The following FRYL variants were observed in gnomAD, a reference collection of about 807,000 sequenced individuals.
FRYL encodes the protein FRY like transcription coactivator.
A neutral mutation model predicts 351.2 loss-of-function variants in FRYL; 150 were observed. The observed-to-expected ratio is 0.43, with a 90% confidence interval of 0.37 to 0.49. The LOEUF (loss-of-function observed/expected upper bound fraction) is 0.49, where lower values mean the gene tolerates loss of function less well. Ranked by LOEUF, FRYL falls within the 20% of genes least tolerant of loss-of-function variation. FRYL has a pLI of 0.00. For missense variants in FRYL, 3,036 were observed against 3,619.3 expected, an observed-to-expected ratio of 0.84 and a Z score of 4.13; for synonymous variants, 1,153 against 1,257.1, an observed-to-expected ratio of 0.92 and a Z score of 1.75.
intron 30 of FRYL, 54 bp from the exon 31 acceptor site, chr4:48,564,156 AT>A: frequency 1.3e-6 from 2 of 1,592,162 alleles, no homozygotes; most frequent in East Asian, 4.5e-5. Flanking sequence ...TTTTTTGTCT[AT>A]TTCCCTATAG....
At chr4:48,661,341 G>C (rs1760677435) in intron 3 of FRYL, among the ~76,000 whole-genome samples, 1 of 152,176 alleles carries the variant, frequency 6.6e-6, no homozygotes, top group Admixed American at 6.5e-5. Flanking sequence ...AAAGGAGAAT[G>C]ATGACCCCTG....
At chr4:48,651,578 T>C (rs1379309349) in intron 3 of FRYL, among the ~76,000 whole-genome samples, 1 of 152,140 alleles carries the variant, frequency 6.6e-6, no homozygotes, top group East Asian at 1.9e-4. Context: ...ACTTCCTTAC[T>C]ACAACTTTTC....
chr4:48,511,576 C>A (rs1464173146), intron 57 of FRYL, among the ~76,000 whole-genome samples: 1 of 152,122 alleles, frequency 6.6e-6, no homozygotes, highest in Non-Finnish European at 1.5e-5. Flanking sequence ...ATGTGTTGCA[C>A]TGTTAGGTGG....
At chr4:48,677,955 T>G (rs1254695041) in intron 3 of FRYL, among the ~76,000 whole-genome samples, 1 of 152,206 alleles carries the variant, frequency 6.6e-6, no homozygotes, top group Non-Finnish European at 1.5e-5. Flanking sequence ...ACCACTGCAT[T>G]ATCTCTATCC....
chr4:48,753,104 C>G (rs1773416083), intron 1 of FRYL, among the ~76,000 whole-genome samples: 1 of 152,058 alleles, frequency 6.6e-6, no homozygotes, highest in Admixed American at 6.6e-5. Flanking sequence ...TGATGGATTG[C>G]AGGGAAAGAA....
chr4:48,619,003 A>G (rs1750119532), intron 7 of FRYL: 2 of 311,894 alleles, frequency 6.4e-6, no homozygotes, highest in Non-Finnish European at 1.2e-5. Context: ...TTTACAGCTA[A>G]AGGTCAATAT....
In FRYL at chr4:48,512,640, A is replaced by G. The variant is rs753288209; in HGVS notation, c.7986T>C (p.Pro2662=). 1.2e-6 allele frequency: 2 copies of G among 1,614,080 alleles called. No individual in the cohort carries two copies. Among genetic ancestry groups the G allele is most frequent in the Non-Finnish European group, 1.7e-6 (2 of 1,179,960 alleles). Residue 2662 remains proline, a synonymous_variant, in exon 57 of 64, where the codon CCT becomes CCC. Coordinates refer to ENST00000358350, the MANE Select transcript of FRYL (RefSeq NM_015030.2). ...QDGFPEVQTS[P]LPSPFLSAII... ...TGGCAGAAAGAAATGGTGACGGCAG[A>G]GGCGACGTCTGTACTTCTGGAAAAC... is the stretch of plus-strand genomic sequence containing the variant.
At chr4:48,568,965 C>T (rs917422096) in intron 27 of FRYL, among the ~76,000 whole-genome samples, 6 of 152,062 alleles carry the variant, frequency 3.9e-5, no homozygotes, top group African/African-American at 7.2e-5. Flanking sequence ...CATTTTTTTC[C>T]GTAGCCATGA....
intron 1 of FRYL, among the ~76,000 whole-genome samples, chr4:48,737,971 A>G (rs1218938775): frequency 2.6e-5 from 4 of 152,192 alleles, no homozygotes; most frequent in African/African-American, 4.8e-5. Flanking sequence ...TTGACAAGCA[A>G]TATCTACAAA....
rs756180972 is a variant in FRYL, at chr4:48,505,664, T to C, written c.8395-49A>G. The C allele has an allele frequency of 4.4e-6, 5 of 1,140,690 alleles. No individual in the cohort carries two copies. The African/African-American group carries it at 6.2e-5, about 14-fold the overall frequency. The allele number at this position is 1,140,690 out of a possible 1,614,324, so 70.7% of individuals were successfully genotyped here. On this transcript the variant is annotated intron_variant, in intron 59 of 63. Coordinates refer to ENST00000358350, the MANE Select transcript of FRYL (RefSeq NM_015030.2). ...TTAATATGCACAGTAAAATGGGTAG[T>C]GTAACAGCCTGTCCATATACAACAC...
At chr4:48,745,477 T>C (rs1772565972) in intron 1 of FRYL, among the ~76,000 whole-genome samples, 2 of 152,046 alleles carry the variant, frequency 1.3e-5, no homozygotes, top group Non-Finnish European at 2.9e-5. Context: ...CTGGAAACCA[T>C]CATTCTCAGC....
At chr4:48,727,969 T>C (rs1223113547) in intron 1 of FRYL, among the ~76,000 whole-genome samples, 2 of 152,136 alleles carry the variant, frequency 1.3e-5, no homozygotes, top group Non-Finnish European at 2.9e-5. Flanking sequence ...AGGCACAGAC[T>C]CACTAAAAGA....
chr4:48,682,217 T>G (rs1764703749), intron 3 of FRYL, among the ~76,000 whole-genome samples: 1 of 152,150 alleles, frequency 6.6e-6, no homozygotes, highest in Non-Finnish European at 1.5e-5. Context: ...TTTCAAAAGA[T>G]GAACCACAAA....
Position 48,521,127 on chromosome 4 carries a change from G to A in FRYL, c.7610C>T (p.Thr2537Ile), listed in dbSNP as rs747634394. ...ATCCCTGATTTGAAGCACTTCCTCT[G>A]TTGTGATGCTGCCAGTGGAATCTTC... ...QSEDSTGSIT[T>I]EEVLQIRDET... Residue 2537 changes from threonine (T) to isoleucine (I), a missense_variant, in exon 55 of 64, where the codon ACA becomes ATA. By Grantham distance (89) the Thr-to-Ile change is moderately conservative. Around this residue, in one of 7 missense-constraint regions of FRYL, gnomAD observed 1,987 missense variants for 2,311.7 expected, o/e 0.86. Coordinates refer to ENST00000358350, the MANE Select transcript of FRYL (RefSeq NM_015030.2). The A allele has an allele frequency of 1.1e-5, 18 of 1,613,670 alleles. No homozygotes were observed. Among genetic ancestry groups the A allele is most frequent in the Non-Finnish European group, 1.4e-5 (17 of 1,179,730 alleles).
chr4:48,619,544 C>T (rs961679692), intron 6 of FRYL, among the ~76,000 whole-genome samples, 174 bp from the exon 7 acceptor site: 1 of 152,110 alleles, frequency 6.6e-6, no homozygotes, highest in Non-Finnish European at 1.5e-5. Context: ...GACAGGGTCT[C>T]GTTCTGTCAC....
At position 48,646,302 on chromosome 4, in the gene FRYL, G is replaced by C. The variant is rs147786774; in HGVS notation, c.-80-11812C>G. Among the ~76,000 whole-genome samples, 795 of 152,236 alleles carry C rather than the reference G, an allele frequency of 5.2e-3. 6 individuals carry two copies. Among genetic ancestry groups the C allele is most frequent in the African/African-American group, 0.019 (771 of 41,534 alleles). ...AGTCATTACCTTCTGGGAAGAACAG[G>C]TCTGACAATTTGGAAATTCTCTTCG... is the stretch of plus-strand genomic sequence containing the variant. On this transcript the variant is annotated intron_variant, in intron 3 of 63. Coordinates refer to ENST00000358350, the MANE Select transcript of FRYL (RefSeq NM_015030.2).
intron 49 of FRYL, among the ~76,000 whole-genome samples, chr4:48,534,289 T>A (rs890012721): frequency 6.6e-6 from 1 of 152,208 alleles, no homozygotes; most frequent in South Asian, 2.1e-4. Context: ...ACTGCTGCAA[T>A]GTGTATATGC....
intron 32 of FRYL, among the ~76,000 whole-genome samples, chr4:48,561,979 G>A (rs1735622457): frequency 6.6e-6 from 1 of 152,156 alleles, no homozygotes; most frequent in African/African-American, 2.4e-5. Flanking sequence ...CTGTGCCACT[G>A]TACTCTAGCC....
chr4:48,620,504 C>A, intron 6 of FRYL, 135 bp downstream of exon 6: 1 of 859,006 alleles, frequency 1.2e-6, no homozygotes, highest in South Asian at 1.8e-5. Context: ...TTCTCCCTTA[C>A]TACCATCTTT....
Sources: gnomAD v4.1 joint callset for allele counts (sites outside exome capture counted in the v4.1 genomes callset) on GRCh38, gnomAD v4.1.1 for gene constraint, gnomAD v4.1.1 regional missense constraint, MANE v1.5 for transcripts, NCBI Gene and HGNC (gene_info 2026-07-23, HGNC 2026-07-21) for gene names.